The following ASIC2 variants were observed in gnomAD, a reference collection of about 807,000 sequenced individuals.
ASIC2 encodes the protein acid-sensing ion channel 2.
A neutral mutation model predicts 57.3 loss-of-function variants in ASIC2; 25 were observed. That is an observed-to-expected ratio of 0.44 (90% CI 0.32 to 0.61). The LOEUF is 0.61. ASIC2 is among the 20% of genes least tolerant of loss of function. The probability of loss-of-function intolerance (pLI) is 0.06; values close to 1 mark genes in which losing one functional copy is unlikely to be tolerated. For synonymous variants in ASIC2, 319 were observed against 307.5 expected (o/e 1.04, Z -0.39); for missense variants, 641 against 738.1 (o/e 0.87, Z 1.52).
intron 1 of ASIC2, among the ~76,000 whole-genome samples, chr17:33,138,223 A>G (rs1179146981): frequency 1.3e-5 from 2 of 152,156 alleles, no homozygotes; most frequent in Admixed American, 6.5e-5. Flanking sequence ...TGGATGGGCT[A>G]AGGTGGGAGA....
chr17:33,070,678 T>C (rs753197765), intron 3 of ASIC2, among the ~76,000 whole-genome samples: 5 of 152,138 alleles, frequency 3.3e-5, no homozygotes, highest in Non-Finnish European at 7.3e-5. Context: ...ATTAATACAA[T>C]TTCTGGTGCT....
At chr17:33,214,811 G>A (rs190405124) in intron 1 of ASIC2, among the ~76,000 whole-genome samples, 4 of 152,324 alleles carry the variant, frequency 2.6e-5, no homozygotes, top group Non-Finnish European at 1.5e-5. Context: ...CTGCATGCCA[G>A]CTGCTGTGCT....
Position 33,288,715 on chromosome 17 carries a change from GACACACAC to G in ASIC2, c.708+2685_708+2692del, listed in dbSNP as rs56013728. Among the ~76,000 whole-genome samples the G allele has an allele frequency of 9.1e-3, 1,304 of 143,604 alleles. 7 individuals are homozygous for G. Among genetic ancestry groups the G allele is most frequent in the Middle Eastern group, 0.018 (5 of 280 alleles). 94.2% of individuals were successfully genotyped at this position (143,604 alleles called of 152,430 possible). On this transcript the variant is annotated intron_variant, in intron 1 of 9. Coordinates refer to ENST00000225823, the MANE Select transcript of ASIC2 (RefSeq NM_183377.2). ...CAGCAGAGTTTTCAGAGCTCTCTCTGACACACACACACACACACACACACACACACACA... is the reference window on the plus strand; with the variant it reads ...CAGCAGAGTTTTCAGAGCTCTCTCTGACACACACACACACACACACACACA...
chr17:33,030,858 C>G (rs1307509387), intron 3 of ASIC2, among the ~76,000 whole-genome samples: 1 of 152,132 alleles, frequency 6.6e-6, no homozygotes, highest in Non-Finnish European at 1.5e-5. Context: ...CTGGGATAAA[C>G]TCCACTTAGT....
intron 1 of ASIC2, among the ~76,000 whole-genome samples, chr17:33,685,382 G>T (rs1908153362): frequency 6.6e-6 from 1 of 152,144 alleles, no homozygotes. Flanking sequence ...TCAACAGCCA[G>T]AAGGCTTCTG....
At chr17:34,101,838 A>G (rs1910875914) in intron 1 of ASIC2, among the ~76,000 whole-genome samples, 1 of 152,340 alleles carries the variant, frequency 6.6e-6, no homozygotes, top group South Asian at 2.1e-4. Context: ...TAAACAGAAT[A>G]GTCTAATCAA....
intron 1 of ASIC2, among the ~76,000 whole-genome samples, chr17:33,202,116 G>C (rs533598330): frequency 6.6e-6 from 1 of 152,144 alleles, no homozygotes; most frequent in East Asian, 1.9e-4. Flanking sequence ...TTATTTCCTG[G>C]GTAAAGCCAA....
At chr17:33,923,417 A>G (rs1915751624) in intron 1 of ASIC2, among the ~76,000 whole-genome samples, 1 of 151,664 alleles carries the variant, frequency 6.6e-6, no homozygotes, top group African/African-American at 2.4e-5. Flanking sequence ...CAAGGGTCTC[A>G]TTTTACAGAT....
At chr17:34,154,518 A>G (rs780765748) in intron 1 of ASIC2, among the ~76,000 whole-genome samples, 11 of 152,192 alleles carry the variant, frequency 7.2e-5, no homozygotes, top group Non-Finnish European at 1.3e-4. Flanking sequence ...TGCGAGAGGC[A>G]ATGCCCCCGG....
At chr17:33,770,683 T>C (rs1170474546) in intron 1 of ASIC2, among the ~76,000 whole-genome samples, 1 of 152,228 alleles carries the variant, frequency 6.6e-6, no homozygotes, top group Admixed American at 6.5e-5. Context: ...GAGACAGCAA[T>C]TCCCCATCCC....
chr17:34,102,047 T>A (rs921222509), intron 1 of ASIC2, among the ~76,000 whole-genome samples: 14 of 152,234 alleles, frequency 9.2e-5, no homozygotes, highest in African/African-American at 1.2e-4. Context: ...TGGTGGTTCA[T>A]GCCTGTAATC....
At chr17:33,872,965 G>T (rs566707207) in intron 1 of ASIC2, among the ~76,000 whole-genome samples, 1 of 152,132 alleles carries the variant, frequency 6.6e-6, no homozygotes. Flanking sequence ...GGGACTGAAG[G>T]CAGAAGCAGG....
At position 33,649,838 on chromosome 17, in the gene ASIC2, C is replaced by G. The variant is rs577388702; in HGVS notation, c.555+506140G>C. Among the ~76,000 whole-genome samples, 350 of 152,274 alleles carry G rather than the reference C, an allele frequency of 2.3e-3. 1 individual carries two copies. The highest frequency in any genetic ancestry group is 3.0e-3 in the Non-Finnish European group (201 of 68,014). Reference sequence around the variant, plus strand: ...GATATCCATAGGCCAAAAGATGAACCTCAACCTAAGCCTTACTTTAACTAT... The same window carrying G: ...GATATCCATAGGCCAAAAGATGAACGTCAACCTAAGCCTTACTTTAACTAT... On this transcript the variant is annotated intron_variant, in intron 1 of 9. Coordinates refer to the ASIC2 transcript ENST00000359872.
intron 1 of ASIC2, among the ~76,000 whole-genome samples, chr17:34,154,696 G>A (rs75514108): frequency 4.6e-5 from 7 of 152,204 alleles, no homozygotes; most frequent in Admixed American, 1.3e-4. Flanking sequence ...TCATTAGGCA[G>A]AGGACCCTAG....
intron 1 of ASIC2, among the ~76,000 whole-genome samples, chr17:33,428,330 A>C (rs1405719261): frequency 6.6e-6 from 1 of 152,236 alleles, no homozygotes. Context: ...TATGTTTAAA[A>C]GCCCTCAGAT....
chr17:33,252,330 C>T (rs996646692), intron 1 of ASIC2, among the ~76,000 whole-genome samples: 4 of 152,126 alleles, frequency 2.6e-5, no homozygotes, highest in African/African-American at 9.7e-5. Context: ...TGCAAATTAG[C>T]AAATGAATGT....
At chr17:34,129,188 C>T (rs947400919) in intron 1 of ASIC2, among the ~76,000 whole-genome samples, 3 of 152,124 alleles carry the variant, frequency 2.0e-5, no homozygotes, top group African/African-American at 7.2e-5. Flanking sequence ...CATGTGATGT[C>T]CTTTATCCCA....
intron 1 of ASIC2, among the ~76,000 whole-genome samples, chr17:33,321,216 G>A (rs1248292530): frequency 1.3e-5 from 2 of 152,144 alleles, no homozygotes; most frequent in Non-Finnish European, 2.9e-5. Flanking sequence ...GAATAAATAC[G>A]TGTGCCATTA....
chr17:33,670,347 C>G (rs1203197089), intron 1 of ASIC2, among the ~76,000 whole-genome samples: 1 of 152,164 alleles, frequency 6.6e-6, no homozygotes, highest in Non-Finnish European at 1.5e-5. Flanking sequence ...AGAGAAAATA[C>G]TCAAGCCTGA....
Sources: gnomAD v4.1 joint callset for allele counts (sites outside exome capture counted in the v4.1 genomes callset) on GRCh38, gnomAD v4.1.1 for gene constraint, MANE v1.5 for transcripts, NCBI Gene and HGNC (gene_info 2026-07-23, HGNC 2026-07-21) for gene names.